LHFPL3: variants seen among roughly 807,000 people sequenced by gnomAD.
The protein encoded by LHFPL3 is LHFPL tetraspan subfamily member 3, also known as LHFPL tetraspan subfamily member 3 protein.
LHFPL3 carries 5 observed loss-of-function variants against 19.3 expected under a neutral mutation model. The ratio of observed to expected loss-of-function variants is 0.26; its 90% CI spans 0.14 to 0.54. LHFPL3 has a LOEUF of 0.54. Ranked by LOEUF, LHFPL3 falls within the 20% of genes least tolerant of loss-of-function variation. The pLI is 0.94. For synonymous variants in LHFPL3, 133 were observed against 126.2 expected (o/e 1.05, Z -0.36); for missense variants, 249 against 307.4 (o/e 0.81, Z 1.42).
intron 1 of LHFPL3, among the ~76,000 whole-genome samples, chr7:104,465,688 A>G (rs2115591944): frequency 6.6e-6 from 1 of 152,284 alleles, no homozygotes; most frequent in South Asian, 2.1e-4. Context: ...TGAGAACAGC[A>G]TAAGGGTAAC....
chr7:104,464,767 T>C (rs1792744277), intron 1 of LHFPL3, among the ~76,000 whole-genome samples: 1 of 152,168 alleles, frequency 6.6e-6, no homozygotes. Flanking sequence ...CATGAGACCA[T>C]TTTTCCCTCC....
chr7:104,394,879 T>G (rs1791151765), intron 1 of LHFPL3, among the ~76,000 whole-genome samples: 1 of 152,042 alleles, frequency 6.6e-6, no homozygotes, highest in South Asian at 2.1e-4. Context: ...TTTTGTATTT[T>G]TAGTAGAGAT....
intron 1 of LHFPL3, among the ~76,000 whole-genome samples, chr7:104,521,111 T>A (rs886795460): frequency 6.6e-6 from 1 of 152,212 alleles, no homozygotes; most frequent in Non-Finnish European, 1.5e-5. Context: ...CTCTACACAC[T>A]GCTTTGAATG....
At chr7:104,731,698 A>G (rs1312145740) in intron 1 of LHFPL3, among the ~76,000 whole-genome samples, 1 of 151,442 alleles carries the variant, frequency 6.6e-6, no homozygotes, top group Non-Finnish European at 1.5e-5. Context: ...CTTTTTTCCT[A>G]ATTGAATACC....
chr7:104,840,919 A>ATGTT (rs1791190613), intron 2 of LHFPL3, among the ~76,000 whole-genome samples: 1 of 152,022 alleles, frequency 6.6e-6, no homozygotes, highest in Non-Finnish European at 1.5e-5. Context: ...CTTTTTTTTA[A>ATGTT]TGTTTCGAGT....
chr7:104,712,427 C>T (rs1562970892), intron 1 of LHFPL3, among the ~76,000 whole-genome samples: 1 of 152,180 alleles, frequency 6.6e-6, no homozygotes, highest in Non-Finnish European at 1.5e-5. Flanking sequence ...CTTCTTCTTA[C>T]AAGGGCACTA....
chr7:104,776,197 C>T (rs1210917782), intron 2 of LHFPL3, among the ~76,000 whole-genome samples: 3 of 152,200 alleles, frequency 2.0e-5, no homozygotes, highest in East Asian at 1.9e-4. Flanking sequence ...CAAAGTCATC[C>T]AGGCTCCGAC....
chr7:104,385,991 C>T (rs562973558), intron 1 of LHFPL3, among the ~76,000 whole-genome samples: 3 of 151,624 alleles, frequency 2.0e-5, no homozygotes, highest in South Asian at 4.2e-4. Flanking sequence ...GGAAATTAAC[C>T]AAAGGCTTAC....
intron 1 of LHFPL3, among the ~76,000 whole-genome samples, chr7:104,716,486 A>G (rs1562971742): frequency 6.6e-6 from 1 of 152,238 alleles, no homozygotes. Flanking sequence ...GCTGCAGTAT[A>G]CAAAATCAAC....
At chr7:104,854,752 G>C (rs1791471842) in intron 2 of LHFPL3, among the ~76,000 whole-genome samples, 1 of 152,102 alleles carries the variant, frequency 6.6e-6, no homozygotes, top group Non-Finnish European at 1.5e-5. Flanking sequence ...GCAAAATTAA[G>C]AAAATATCAC....
chr7:104,415,172 C>T (rs1400272184), intron 1 of LHFPL3, among the ~76,000 whole-genome samples: 2 of 152,116 alleles, frequency 1.3e-5, no homozygotes, highest in African/African-American at 4.8e-5. Flanking sequence ...TCAAGGACAC[C>T]TACCTACTCA....
At chr7:104,903,177 A>G (rs1188973030) in intron 2 of LHFPL3, among the ~76,000 whole-genome samples, 1 of 152,086 alleles carries the variant, frequency 6.6e-6, no homozygotes, top group East Asian at 1.9e-4. Context: ...ATGCAGCCTT[A>G]GATACATGTA....
intron 2 of LHFPL3, among the ~76,000 whole-genome samples, chr7:104,904,882 G>C (rs947390256): frequency 6.6e-6 from 1 of 152,134 alleles, no homozygotes; most frequent in African/African-American, 2.4e-5. Context: ...TAGCTGTATT[G>C]ATACAGGATC....
intron 2 of LHFPL3, among the ~76,000 whole-genome samples, chr7:104,808,874 C>T (rs142424276): frequency 1.2e-3 from 186 of 150,306 alleles, no homozygotes; most frequent in African/African-American, 4.5e-3. Context: ...CACCCCAACA[C>T]CATAGATGAT....
chr7:104,649,110 T>A (rs2115929672), intron 1 of LHFPL3, among the ~76,000 whole-genome samples: 1 of 152,054 alleles, frequency 6.6e-6, no homozygotes. Flanking sequence ...TGAGAGAGGG[T>A]TTGACTGTTC....
At chr7:104,587,434 A>G (rs1271503824) in intron 1 of LHFPL3, among the ~76,000 whole-genome samples, 1 of 152,112 alleles carries the variant, frequency 6.6e-6, no homozygotes, top group African/African-American at 2.4e-5. Context: ...CCATGTCCCT[A>G]CAAAGGACAT....
chr7:104,386,560 G>C (rs892901708), intron 1 of LHFPL3, among the ~76,000 whole-genome samples: 1 of 152,160 alleles, frequency 6.6e-6, no homozygotes, highest in African/African-American at 2.4e-5. Flanking sequence ...TCTTGCCCAG[G>C]AGACACCAGA....
At chr7:104,487,742 T>C (rs892492486) in intron 1 of LHFPL3, among the ~76,000 whole-genome samples, 2 of 152,232 alleles carry the variant, frequency 1.3e-5, no homozygotes, top group Non-Finnish European at 2.9e-5. Context: ...TTTTCTTGTC[T>C]TTTCTCCATC....
intron 2 of LHFPL3, among the ~76,000 whole-genome samples, chr7:104,795,402 C>T (rs1790104836): frequency 6.6e-6 from 1 of 152,198 alleles, no homozygotes; most frequent in African/African-American, 2.4e-5. Flanking sequence ...CCGTCCCTCG[C>T]CTCTTTCTTT....
Sources: gnomAD v4.1 joint callset for allele counts (sites outside exome capture counted in the v4.1 genomes callset) on GRCh38, gnomAD v4.1.1 for gene constraint, MANE v1.5 for transcripts, NCBI Gene and HGNC (gene_info 2026-07-23, HGNC 2026-07-21) for gene names.